Variants in MARCHF1 observed in about 807,000 individuals in gnomAD.
The protein encoded by MARCHF1 is E3 ubiquitin-protein ligase MARCHF1.
In MARCHF1, 40 loss-of-function variants were observed where a neutral mutation model predicts 54.2. The ratio of observed to expected loss-of-function variants is 0.74; its 90% CI spans 0.57 to 0.96. MARCHF1 has a LOEUF of 0.96. Ranked by LOEUF, MARCHF1 falls within the 40% of genes least tolerant of loss-of-function variation. The probability of loss-of-function intolerance (pLI) is 0.00; values close to 1 mark genes in which losing one functional copy is unlikely to be tolerated. For synonymous variants in MARCHF1, 236 were observed against 236.3 expected, an observed-to-expected ratio of 1.00 and a Z score of 0.01; for missense variants, 586 against 656.5, an observed-to-expected ratio of 0.89 and a Z score of 1.17.
intron 2 of MARCHF1, among the ~76,000 whole-genome samples, chr4:164,003,991 T>C (rs1209864374): frequency 2.6e-5 from 4 of 152,042 alleles, no homozygotes; most frequent in Non-Finnish European, 5.9e-5. Context: ...TGCAGGGACA[T>C]GGATGGAGCT....
chr4:163,800,628 T>A (rs1748055339), intron 4 of MARCHF1, among the ~76,000 whole-genome samples: 1 of 152,072 alleles, frequency 6.6e-6, no homozygotes, highest in Non-Finnish European at 1.5e-5. Context: ...ACAAAATATA[T>A]TTGACTTCCT....
At chr4:163,843,318 A>G (rs926000603) in intron 4 of MARCHF1, among the ~76,000 whole-genome samples, 4 of 152,128 alleles carry the variant, frequency 2.6e-5, no homozygotes, top group African/African-American at 9.7e-5. Context: ...TAGTGCTGCA[A>G]TGAACATGCG....
At chr4:164,190,077 G>T in intron 1 of MARCHF1, 2 of 1,415,896 alleles carry the variant, frequency 1.4e-6, no homozygotes, top group Non-Finnish European at 2.0e-6. Context: ...GGAAAGCTAT[G>T]GCTATTCTCT....
At chr4:163,823,069 C>G (rs1494291) in intron 4 of MARCHF1, among the ~76,000 whole-genome samples, 119,947 of 151,746 alleles carry the variant, frequency 0.79, 48,427 homozygotes, top group South Asian at 0.91. Context: ...ATCAACATCA[C>G]TTACAAAACT....
chr4:164,220,693 CTA>C (rs1472383017), intron 1 of MARCHF1, among the ~76,000 whole-genome samples: 13 of 108,528 alleles, frequency 1.2e-4, no homozygotes, highest in African/African-American at 4.2e-4. Context: ...AATATATATG[CTA>C]TATATGTATA....
intron 1 of MARCHF1, among the ~76,000 whole-genome samples, chr4:164,209,917 A>T (rs924410378): frequency 3.3e-5 from 5 of 152,158 alleles, no homozygotes; most frequent in African/African-American, 7.2e-5. Flanking sequence ...AAGAAAAAAA[A>T]TTTTAATGCA....
intron 1 of MARCHF1, among the ~76,000 whole-genome samples, chr4:164,210,659 T>A (rs1015911354): frequency 5.9e-5 from 9 of 152,068 alleles, no homozygotes; most frequent in Non-Finnish European, 1.3e-4. Flanking sequence ...TAAGTTCAGT[T>A]AAGGACCTCA....
chr4:163,605,694 G>A (rs1741118712), intron 7 of MARCHF1, among the ~76,000 whole-genome samples: 1 of 152,072 alleles, frequency 6.6e-6, no homozygotes, highest in South Asian at 2.1e-4. Context: ...AGGAAAATGT[G>A]GCACATATAC....
chr4:164,373,907 C>A (rs1007983229), intron 1 of MARCHF1, among the ~76,000 whole-genome samples: 12 of 152,078 alleles, frequency 7.9e-5, no homozygotes, highest in Non-Finnish European at 1.5e-4. Flanking sequence ...ATGTAGATTA[C>A]TCATTTATCA....
intron 4 of MARCHF1, among the ~76,000 whole-genome samples, chr4:163,833,025 A>G (rs1433782483): frequency 6.6e-6 from 1 of 151,926 alleles, no homozygotes; most frequent in African/African-American, 2.4e-5. Context: ...AGTCTTTGCT[A>G]TTGTGAATAG....
intron 6 of MARCHF1, 117 bp from the exon 7 acceptor site, chr4:163,613,155 C>A: frequency 8.1e-7 from 1 of 1,232,374 alleles, no homozygotes; most frequent in Non-Finnish European, 1.1e-6. Context: ...AAATAAAGAT[C>A]AACTGAAGAA....
At chr4:163,720,055 G>T (rs913067643) in intron 4 of MARCHF1, among the ~76,000 whole-genome samples, 6 of 152,106 alleles carry the variant, frequency 3.9e-5, no homozygotes, top group African/African-American at 9.7e-5. Context: ...GTCAATTTTG[G>T]CTTTTGTTGC....
chr4:163,769,883 A>T (rs928030136), intron 4 of MARCHF1, among the ~76,000 whole-genome samples: 1 of 152,154 alleles, frequency 6.6e-6, no homozygotes, highest in East Asian at 1.9e-4. Context: ...AACTACGTTG[A>T]TCCACTTATA....
chr4:163,803,862 A>C (rs1159942710), intron 4 of MARCHF1, among the ~76,000 whole-genome samples: 1 of 152,220 alleles, frequency 6.6e-6, no homozygotes, highest in Non-Finnish European at 1.5e-5. Flanking sequence ...TCTTAGAAGA[A>C]TTGCTTGAAA....
chr4:163,639,581 A>G (rs1361440721), intron 5 of MARCHF1, among the ~76,000 whole-genome samples: 1 of 152,188 alleles, frequency 6.6e-6, no homozygotes, highest in Non-Finnish European at 1.5e-5. Flanking sequence ...AGTAATGAAC[A>G]TGTGTGTTGG....
chr4:163,532,305 A>T (rs1302243269), intron 9 of MARCHF1, among the ~76,000 whole-genome samples: 1 of 151,936 alleles, frequency 6.6e-6, no homozygotes, highest in Non-Finnish European at 1.5e-5. Flanking sequence ...ACTGATCTTT[A>T]ACAAAGGAGC....
chr4:164,235,089 C>G (rs182913803), intron 1 of MARCHF1, among the ~76,000 whole-genome samples: 5 of 152,146 alleles, frequency 3.3e-5, no homozygotes, highest in Non-Finnish European at 5.9e-5. Context: ...GAAGGGTGTT[C>G]TCTAAACGTT....
intron 4 of MARCHF1, among the ~76,000 whole-genome samples, chr4:163,835,556 G>A (rs1214649782): frequency 6.6e-6 from 1 of 152,154 alleles, no homozygotes; most frequent in Non-Finnish European, 1.5e-5. Context: ...AACCAATCCA[G>A]CTGTTTCTGT....
At chr4:163,958,488 C>A (rs1342811342) in intron 3 of MARCHF1, among the ~76,000 whole-genome samples, 3 of 151,752 alleles carry the variant, frequency 2.0e-5, no homozygotes. Flanking sequence ...TTTTTTGTTA[C>A]TTTTGACAAA....
Sources: gnomAD v4.1 joint callset for allele counts (sites outside exome capture counted in the v4.1 genomes callset) on GRCh38, gnomAD v4.1.1 for gene constraint, MANE v1.5 for transcripts, NCBI Gene and HGNC (gene_info 2026-07-23, HGNC 2026-07-21) for gene names.